The following RPL5 variants were observed in gnomAD, a reference collection of about 807,000 sequenced individuals.
The protein encoded by RPL5 is ribosomal protein L5, also known as large ribosomal subunit protein uL18.
RPL5 carries 1 observed loss-of-function variant against 38.4 expected under a neutral mutation model. The observed-to-expected ratio is 0.03, with a 90% confidence interval of 0.01 to 0.12. RPL5 has a LOEUF of 0.12. Among genes scored for constraint, RPL5 ranks in the 10% least tolerant of loss-of-function variants. The probability of loss-of-function intolerance (pLI) is 1.00; values close to 1 mark genes in which losing one functional copy is unlikely to be tolerated. For synonymous variants in RPL5, 109 were observed against 121.2 expected (o/e 0.90, Z 0.66); for missense variants, 243 against 374.1 (o/e 0.65, Z 2.89).
chr1:92,834,041 G>T (rs1483248029), intron 3 of RPL5: 1 of 299,488 alleles, frequency 3.3e-6, no homozygotes, highest in African/African-American at 2.2e-5. Context: ...AGGCTGCAGT[G>T]AAGTGAGATC....
In RPL5 at chr1:92,834,899, C is replaced by G. The variant is rs766476007; in HGVS notation, c.310C>G (p.Leu104Val). Residue 104 changes from leucine to valine, a missense_variant, in exon 4 of 8, where the codon CTG becomes GTG. Physicochemically the swap from Leu to Val is conservative, Grantham distance 32. Coordinates refer to ENST00000370321, the MANE Select transcript of RPL5 (RefSeq NM_000969.5). ...TGCTGCAGCATATTGTACTGGCCTG[C>G]TGCTGGCCCGCAGGGTATGTACAAG... ...NYAAAYCTGL[L>V]LARRLLNRFG... 6.2e-7 allele frequency: 1 copy of G among 1,601,814 alleles called. No homozygotes were observed.
chr1:92,832,065 G>C lies in RPL5; in HGVS notation c.-50G>C, dbSNP rs748646858. 3.7e-6 allele frequency: 6 copies of C among 1,613,046 alleles called. No individual in the cohort carries two copies. Among genetic ancestry groups the C allele is most frequent in the Non-Finnish European group, 4.2e-6 (5 of 1,179,662 alleles). ...CCTTTTCCCACCCCCTAGCGCCGCT[G>C]GGCCTGCAGGTCTCTGTCGAGCAGC... On this transcript the variant is annotated 5_prime_UTR_variant, in exon 1 of 8. Transcript: ENST00000370321.
chr1:92,841,435 A>G (rs1369557574), intron 7 of RPL5, among the ~76,000 whole-genome samples: 3 of 152,212 alleles, frequency 2.0e-5, no homozygotes, highest in African/African-American at 7.2e-5. Context: ...CTATTAATAT[A>G]TAGTGCTGCA....
intron 3 of RPL5, chr1:92,833,862 T>C: frequency 1.7e-6 from 1 of 576,262 alleles, no homozygotes; most frequent in South Asian, 2.0e-5. Flanking sequence ...CTCATGCCTG[T>C]AATCCCAGCA....
chr1:92,838,224 T>C (rs1461684532), intron 6 of RPL5, among the ~76,000 whole-genome samples: 4 of 152,248 alleles, frequency 2.6e-5, no homozygotes, highest in African/African-American at 2.4e-5. Context: ...CTTTCTGTTA[T>C]TTCTATGCTT....
At chr1:92,838,038 C>T (rs1305316703) in intron 6 of RPL5, among the ~76,000 whole-genome samples, 9 of 152,150 alleles carry the variant, frequency 5.9e-5, no homozygotes, top group South Asian at 2.1e-4. Flanking sequence ...ACTGGGTCTG[C>T]GTGATGTTGT....
chr1:92,838,903 T>A (rs1290125422), intron 6 of RPL5, among the ~76,000 whole-genome samples: 1 of 152,250 alleles, frequency 6.6e-6, no homozygotes, highest in Non-Finnish European at 1.5e-5. Context: ...ATTATTTTCC[T>A]TTAATAATCT....
At chr1:92,834,751 T>G (rs2100680341) in intron 3 of RPL5, 28 bp from the exon 4 acceptor site, 1 of 1,612,006 alleles carries the variant, frequency 6.2e-7, no homozygotes, top group Middle Eastern at 2.1e-4. Flanking sequence ...AGCAACAGAT[T>G]ACTAACCTAG....
Position 92,841,759 on chromosome 1 carries a change from T to C in RPL5, c.795-7T>C, listed in dbSNP as rs1687374414. On this transcript the variant is annotated splice_region_variant and splice_polypyrimidine_tract_variant and intron_variant, in intron 7 of 7. Coordinates refer to ENST00000370321, the MANE Select transcript of RPL5 (RefSeq NM_000969.5). ...GTTTAAAAAATATATATTCCTATCT[T>C]TTGTAGGTGGAACCGTCCCAAAATG... 6.2e-7 allele frequency: 1 copy of C among 1,600,414 alleles called. No homozygotes were observed. The highest frequency in any genetic ancestry group is 8.5e-7 in the Non-Finnish European group (1 of 1,169,920).
At position 92,841,746 on chromosome 1, in the gene RPL5, TATA is replaced by T; in HGVS notation, c.795-19_795-17del. On this transcript the variant is annotated splice_polypyrimidine_tract_variant and intron_variant, in intron 7 of 7. Coordinates refer to ENST00000370321, the MANE Select transcript of RPL5 (RefSeq NM_000969.5). ...CTCTTCAGTTATAGTTTAAAAAATA[TATA>T]TTCCTATCTTTTGTAGGTGGAACCG... The T allele has an allele frequency of 1.3e-6, 2 of 1,538,552 alleles. No homozygotes were observed. Among genetic ancestry groups the T allele is most frequent in the South Asian group, 2.3e-5 (2 of 88,804 alleles).
intron 7 of RPL5, 107 bp downstream of exon 7, chr1:92,840,746 G>T (rs759055802): frequency 7.0e-6 from 6 of 853,798 alleles, no homozygotes; most frequent in Non-Finnish European, 1.2e-5. Context: ...AGCTCTGCGT[G>T]ATGTGGCAGA....
intron 3 of RPL5, 82 bp from the exon 4 acceptor site, chr1:92,834,697 T>G (rs1325219730): frequency 1.3e-6 from 2 of 1,577,898 alleles, no homozygotes; most frequent in Non-Finnish European, 1.7e-6. Context: ...ATCAATGTTT[T>G]TTTATTCCCT....
chr1:92,836,422 T>C lies in RPL5; in HGVS notation c.527+30T>C, dbSNP rs746664347. 3 of 1,590,746 alleles carry C rather than the reference T, an allele frequency of 1.9e-6. No individual in the cohort carries two copies. The Admixed American group carries it at 5.0e-5, about 27-fold the overall frequency. ...GAATACTATTTAAGACCTTGGTGCC[T>C]GGACCGTGGTACTTCCCTGTTTTTA... On this transcript the variant is annotated intron_variant, in intron 5 of 7. Transcript: ENST00000370321.
At chr1:92,832,901 G>T in intron 1 of RPL5, 1 of 669,454 alleles carries the variant, frequency 1.5e-6, no homozygotes, top group East Asian at 2.7e-5. Flanking sequence ...AGCGAGAGAG[G>T]TACGTAGTTG....
intron 1 of RPL5, 191 bp downstream of exon 1, chr1:92,832,308 A>G: frequency 1.2e-6 from 1 of 852,030 alleles, no homozygotes; most frequent in Non-Finnish European, 1.9e-6. Context: ...ACTTGGGGGG[A>G]GGGGTTGGCG....
At chr1:92,837,125 T>G (rs985726471) in intron 5 of RPL5, 11 of 408,226 alleles carry the variant, frequency 2.7e-5, no homozygotes, top group Admixed American at 1.1e-4. Flanking sequence ...CTTATTCCCA[T>G]GTACCCACTG....
At chr1:92,840,948 A>T in intron 7 of RPL5, 1 of 470,612 alleles carries the variant, frequency 2.1e-6, no homozygotes, top group East Asian at 5.0e-5. Context: ...GTAATACTTA[A>T]TGAACATGTA....
At chr1:92,839,835 T>C (rs901501748) in intron 6 of RPL5, among the ~76,000 whole-genome samples, 8 of 152,034 alleles carry the variant, frequency 5.3e-5, no homozygotes, top group Non-Finnish European at 1.5e-5. Context: ...GATTTTTCTT[T>C]TTGTTTTCTT....
intron 6 of RPL5, among the ~76,000 whole-genome samples, chr1:92,839,789 C>T (rs1317729789): frequency 1.3e-5 from 2 of 152,026 alleles, no homozygotes; most frequent in East Asian, 3.8e-4. Context: ...TAGAGTGACT[C>T]AAGAAGTGTG....
Sources: gnomAD v4.1 joint callset for allele counts (sites outside exome capture counted in the v4.1 genomes callset) on GRCh38, gnomAD v4.1.1 for gene constraint, MANE v1.5 for transcripts, NCBI Gene and HGNC (gene_info 2026-07-23, HGNC 2026-07-21) for gene names.